Variants in ABHD17B observed in about 807,000 individuals in gnomAD.
ABHD17B encodes the protein abhydrolase domain containing 17B, depalmitoylase.
In ABHD17B, 9 loss-of-function variants were observed where a neutral mutation model predicts 26.2. The observed-to-expected ratio is 0.34, with a 90% CI of 0.21 to 0.60. The LOEUF (loss-of-function observed/expected upper bound fraction) is 0.60, where lower values mean the gene tolerates loss of function less well. Among genes scored for constraint, ABHD17B ranks in the 20% least tolerant of loss-of-function variants. The pLI is 0.80. For synonymous variants in ABHD17B, 127 were observed against 122.3 expected, an observed-to-expected ratio of 1.04 and a Z score of -0.25; for missense variants, 224 against 352.1, an observed-to-expected ratio of 0.64 and a Z score of 2.91.
chr9:71,897,508 C>T (rs1021906316), intron 1 of ABHD17B, among the ~76,000 whole-genome samples: 3 of 152,064 alleles, frequency 2.0e-5, no homozygotes, highest in African/African-American at 7.2e-5. Context: ...AGGGGAAGAC[C>T]CTGTCTCAAA....
chr9:71,895,540 G>A (rs1297877126), intron 1 of ABHD17B, among the ~76,000 whole-genome samples: 1 of 152,182 alleles, frequency 6.6e-6, no homozygotes, highest in Non-Finnish European at 1.5e-5. Flanking sequence ...CTATGACCCA[G>A]TATAGATTTT....
At chr9:71,899,846 C>T (rs1345535853) in intron 1 of ABHD17B, among the ~76,000 whole-genome samples, 1 of 98,446 alleles carries the variant, frequency 1.0e-5, no homozygotes, top group Non-Finnish European at 2.0e-5. Context: ...CTCTTCCTGC[C>T]TTGTCCTTAC....
chr9:71,877,470 T>G (rs1826312526), intron 1 of ABHD17B, among the ~76,000 whole-genome samples: 1 of 152,226 alleles, frequency 6.6e-6, no homozygotes, highest in Non-Finnish European at 1.5e-5. Context: ...CAGGCTGGAG[T>G]GCAGTGGTGC....
At chr9:71,862,642 G>T, downstream of ABHD17B, 1 of 927,018 alleles carries the variant, frequency 1.1e-6, no homozygotes, top group Non-Finnish European at 1.8e-6. Flanking sequence ...TATCATCTCT[G>T]CAGTTTTCAT....
chr9:71,864,213 C>CTTTTTTTTTTTT (rs762446648), downstream of ABHD17B, among the ~76,000 whole-genome samples: 2 of 80,396 alleles, frequency 2.5e-5, no homozygotes, highest in East Asian at 4.3e-4. Flanking sequence ...GCCAAACTTT[C>CTTTTTTTTTTTT]TTTTTTTTTT....
intron 1 of ABHD17B, among the ~76,000 whole-genome samples, chr9:71,899,106 A>C (rs1383203130): frequency 2.0e-5 from 3 of 151,972 alleles, no homozygotes; most frequent in African/African-American, 7.3e-5. Context: ...CCTGGGCGAC[A>C]GAGCAAGACT....
chr9:71,862,656 C>T (rs780954493), downstream of ABHD17B: 2 of 857,864 alleles, frequency 2.3e-6, no homozygotes, highest in African/African-American at 3.4e-5. Context: ...TTTTCATAAT[C>T]TGAGTTTATG....
chr9:71,870,667 T>C (rs1207001783), intron 2 of ABHD17B, among the ~76,000 whole-genome samples: 1 of 152,202 alleles, frequency 6.6e-6, no homozygotes, highest in African/African-American at 2.4e-5. Context: ...GTTATTTATT[T>C]CTCCACACAT....
At chr9:71,872,855 A>G (rs1428042199) in intron 2 of ABHD17B, among the ~76,000 whole-genome samples, 1 of 151,960 alleles carries the variant, frequency 6.6e-6, no homozygotes. Flanking sequence ...CTCTTTACCT[A>G]CTACTTGCCA....
At chr9:71,898,638 TCAAA>T (rs540545268) in intron 1 of ABHD17B, among the ~76,000 whole-genome samples, 25 of 151,210 alleles carry the variant, frequency 1.7e-4, no homozygotes, top group African/African-American at 4.6e-4. Context: ...AAACTCTATT[TCAAA>T]CAAACAAACA....
At chr9:71,905,736 C>T (rs1054584642) in intron 1 of ABHD17B, among the ~76,000 whole-genome samples, 2 of 152,162 alleles carry the variant, frequency 1.3e-5, no homozygotes, top group African/African-American at 4.8e-5. Flanking sequence ...AAAGAAAGTG[C>T]TGCTCAGATT....
chr9:71,892,355 A>C (rs980511553), intron 1 of ABHD17B, among the ~76,000 whole-genome samples: 3 of 151,892 alleles, frequency 2.0e-5, no homozygotes, highest in African/African-American at 7.3e-5. Flanking sequence ...ACACGGTGAA[A>C]CCTCATCTCT....
chr9:71,885,990 G>A (rs930608546), intron 1 of ABHD17B, among the ~76,000 whole-genome samples: 67 of 152,270 alleles, frequency 4.4e-4, no homozygotes, highest in African/African-American at 1.6e-3. Flanking sequence ...TTCATTTTGT[G>A]TGATATGTTG....
chr9:71,900,298 A>G (rs943969734), intron 1 of ABHD17B, among the ~76,000 whole-genome samples: 5 of 152,164 alleles, frequency 3.3e-5, no homozygotes, highest in African/African-American at 9.7e-5. Flanking sequence ...CCTAATCTAC[A>G]GTTTCTTTTC....
intron 1 of ABHD17B, among the ~76,000 whole-genome samples, chr9:71,879,031 C>CTG (rs1372385707): frequency 6.6e-6 from 1 of 152,142 alleles, no homozygotes; most frequent in East Asian, 1.9e-4. Context: ...TAGTGTGTGC[C>CTG]TGTAATCTCA....
intron 1 of ABHD17B, among the ~76,000 whole-genome samples, chr9:71,876,780 T>C (rs924664401): frequency 2.6e-5 from 4 of 151,988 alleles, no homozygotes; most frequent in Admixed American, 1.3e-4. Context: ...TCAGTATAAA[T>C]GTGTTTATAA....
At chr9:71,902,507 T>C (rs1283519918) in intron 1 of ABHD17B, 1 of 149,448 alleles carries the variant, frequency 6.7e-6, no homozygotes, top group Non-Finnish European at 1.5e-5. Flanking sequence ...AAGAAGTCTG[T>C]AGCAGGTTGT....
At chr9:71,878,115 G>C (rs554187804) in intron 1 of ABHD17B, among the ~76,000 whole-genome samples, 13 of 150,874 alleles carry the variant, frequency 8.6e-5, no homozygotes, top group South Asian at 4.2e-4. Flanking sequence ...GCAAGTTACT[G>C]AAGAAAAACA....
At chr9:71,874,551 T>C (rs1424771562) in intron 2 of ABHD17B, 63 bp downstream of exon 2, 5 of 1,371,214 alleles carry the variant, frequency 3.6e-6, no homozygotes, top group Non-Finnish European at 5.0e-6. Flanking sequence ...TATTCTATTC[T>C]TACACAAGAT....
Sources: allele counts gnomAD v4.1 joint callset (sites outside exome capture counted in the v4.1 genomes callset), GRCh38; gene constraint gnomAD v4.1.1; transcripts MANE v1.5; gene names NCBI Gene and HGNC (gene_info 2026-07-23, HGNC 2026-07-21).